Variants in ZFYVE9 observed in about 807,000 individuals in gnomAD.
The protein encoded by ZFYVE9 is zinc finger FYVE-type containing 9.
A neutral mutation model predicts 126.7 loss-of-function variants in ZFYVE9; 43 were observed. The observed-to-expected ratio is 0.34, with a 90% confidence interval of 0.27 to 0.44. The LOEUF (loss-of-function observed/expected upper bound fraction) is 0.44, where lower values mean the gene tolerates loss of function less well. ZFYVE9 is among the 20% of genes least tolerant of loss of function. The pLI, the probability that ZFYVE9 is intolerant of heterozygous loss-of-function variation, is 1.00. For synonymous variants in ZFYVE9, 521 were observed against 597.4 expected, an observed-to-expected ratio of 0.87 and a Z score of 1.87; for missense variants, 1,476 against 1,697.0, an observed-to-expected ratio of 0.87 and a Z score of 2.29.
At chr1:52,246,698 A>AT (rs759969701) in intron 4 of ZFYVE9, among the ~76,000 whole-genome samples, 3,231 of 99,200 alleles carry the variant, frequency 0.033, 69 homozygotes, top group African/African-American at 0.04. Flanking sequence ...CGTGTAACTA[A>AT]TTTTTTTTTT....
At chr1:52,164,476 A>G (rs1188810085) in intron 1 of ZFYVE9, among the ~76,000 whole-genome samples, 1 of 152,064 alleles carries the variant, frequency 6.6e-6, no homozygotes, top group East Asian at 1.9e-4. Context: ...GGACTCCCAA[A>G]GTGTTGGGAT....
rs74430734 is a variant in ZFYVE9, at chr1:52,147,502, A to C, written c.-143+5099A>C. Among the ~76,000 whole-genome samples the C allele has an allele frequency of 4.6e-3, 699 of 152,334 alleles. 6 individuals carry two copies. The highest frequency in any genetic ancestry group is 0.016 in the African/African-American group (671 of 41,584). On this transcript the variant is annotated intron_variant, in intron 1 of 18. Coordinates refer to ENST00000287727, the MANE Select transcript of ZFYVE9 (RefSeq NM_004799.4). Reference sequence around the variant, plus strand: ...TCATGTAAGTGGAATCATACGATATATGACTGGTTTCTCTTACTTAGCATA... The same window carrying C: ...TCATGTAAGTGGAATCATACGATATCTGACTGGTTTCTCTTACTTAGCATA...
At chr1:52,327,862 T>A (rs1300593130) in intron 13 of ZFYVE9, among the ~76,000 whole-genome samples, 1 of 151,014 alleles carries the variant, frequency 6.6e-6, no homozygotes, top group African/African-American at 2.4e-5. Flanking sequence ...CAGTCCCAGC[T>A]ACTTGGGATG....
At chr1:52,182,452 CG>C (rs1344463187) in intron 1 of ZFYVE9, among the ~76,000 whole-genome samples, 4 of 152,094 alleles carry the variant, frequency 2.6e-5, no homozygotes, top group Admixed American at 2.0e-4. Context: ...GACCTTACCC[CG>C]AACCCTGTGC....
intron 10 of ZFYVE9, among the ~76,000 whole-genome samples, chr1:52,290,048 A>T (rs916501203): frequency 2.0e-4 from 31 of 152,340 alleles, no homozygotes; most frequent in African/African-American, 6.5e-4. Flanking sequence ...TATAAACATT[A>T]CACTGTGTCT....
rs1332885730 is a variant in ZFYVE9, at chr1:52,301,659, A to G, written c.3334-2162A>G. 2.0e-5 allele frequency among the ~76,000 whole-genome samples: 3 copies of G among 152,190 alleles called. No homozygotes were observed. In the East Asian group the frequency reaches 5.8e-4, roughly 29 times the overall value. On this transcript the variant is annotated intron_variant, in intron 12 of 18. Coordinates refer to ENST00000287727, the MANE Select transcript of ZFYVE9 (RefSeq NM_004799.4). ...ATTACAAGTTTGAAGCAAATTGATT[A>G]TAATGTGCCATAGTGTAGTTTTCAT... is the stretch of plus-strand genomic sequence containing the variant.
chr1:52,344,653 C>G, intron 17 of ZFYVE9, 115 bp from the exon 18 acceptor site: 1 of 1,122,212 alleles, frequency 8.9e-7, no homozygotes, highest in Non-Finnish European at 1.3e-6. Context: ...GTGTCCTGTT[C>G]CTGTCATGTC....
At chr1:52,284,506 A>G (rs3845309) in intron 10 of ZFYVE9, among the ~76,000 whole-genome samples, 34,564 of 150,858 alleles carry the variant, frequency 0.23, 8,195 homozygotes, top group African/African-American at 0.61. Context: ...TGCAAGCTCC[A>G]CCTCCCAGGT....
At chr1:52,325,017 C>T (rs1307738663) in intron 13 of ZFYVE9, among the ~76,000 whole-genome samples, 4 of 152,184 alleles carry the variant, frequency 2.6e-5, no homozygotes, top group Non-Finnish European at 5.9e-5. Context: ...TGGTGGCTCA[C>T]GCCTGTAATC....
At chr1:52,299,530 G>A (rs959390069) in intron 12 of ZFYVE9, among the ~76,000 whole-genome samples, 4 of 152,224 alleles carry the variant, frequency 2.6e-5, no homozygotes, top group African/African-American at 7.2e-5. Context: ...GATGTTAGCT[G>A]TGGGTTTGTC....
chr1:52,271,122 T>TAGGAAAG (rs1645688048), intron 7 of ZFYVE9, among the ~76,000 whole-genome samples: 1 of 152,174 alleles, frequency 6.6e-6, no homozygotes, highest in Non-Finnish European at 1.5e-5. Flanking sequence ...CTCTTTCTGT[T>TAGGAAAG]AAATTTCTTT....
Position 52,263,759 on chromosome 1 carries a change from C to CCCG in ZFYVE9, c.2179-12_2179-11insGCC, listed in dbSNP as rs1645605423. 1.4e-6 allele frequency: 1 copy of CCCG among 732,812 alleles called. No homozygotes were observed. The highest frequency in any genetic ancestry group is 3.0e-5 in the African/African-American group (1 of 33,600). 45.4% of individuals were successfully genotyped at this position (732,812 alleles called of 1,614,324 possible). ...AGTAAATTTTGTGTGTTCTTCCCCC[C>CCCG]CCCCCCCCCACAGGTTTTCTGTGCT... is the stretch of plus-strand genomic sequence containing the variant. On this transcript the variant is annotated splice_polypyrimidine_tract_variant and intron_variant, in intron 4 of 18. Transcript: ENST00000287727.
At chr1:52,318,366 T>TTGTGTGTGTG (rs1304231453) in intron 13 of ZFYVE9, among the ~76,000 whole-genome samples, 20 of 84,002 alleles carry the variant, frequency 2.4e-4, no homozygotes, top group African/African-American at 5.0e-4. Flanking sequence ...GAGAGCATGA[T>TTGTGTGTGTG]TGTATGTGTG....
At chr1:52,298,329 G>A (rs1645997652) in intron 12 of ZFYVE9, among the ~76,000 whole-genome samples, 1 of 152,118 alleles carries the variant, frequency 6.6e-6, no homozygotes, top group Non-Finnish European at 1.5e-5. Context: ...TTGTATATGG[G>A]GAGAGGTGGG....
At chr1:52,199,133 T>A (rs1486767464) in intron 1 of ZFYVE9, among the ~76,000 whole-genome samples, 2 of 151,760 alleles carry the variant, frequency 1.3e-5, no homozygotes, top group African/African-American at 4.8e-5. Context: ...TGGCGCGATC[T>A]CGACTCACTG....
intron 11 of ZFYVE9, among the ~76,000 whole-genome samples, chr1:52,295,032 C>T (rs1645959329): frequency 6.6e-6 from 1 of 152,100 alleles, no homozygotes; most frequent in Non-Finnish European, 1.5e-5. Flanking sequence ...CATGGTGAAT[C>T]CCATCTCTAC....
chr1:52,203,608 C>T (rs12072605), intron 1 of ZFYVE9, among the ~76,000 whole-genome samples: 6,947 of 150,146 alleles, frequency 0.046, 408 homozygotes, highest in African/African-American at 0.14. Context: ...GGAATTGGTA[C>T]GTGGCATTAA....
intron 13 of ZFYVE9, among the ~76,000 whole-genome samples, chr1:52,313,604 T>C (rs1046355642): frequency 1.3e-5 from 2 of 152,232 alleles, no homozygotes; most frequent in Admixed American, 6.5e-5. Flanking sequence ...GGGCCAGGAA[T>C]AGTTTGTATT....
chr1:52,331,067 C>T lies in ZFYVE9; in HGVS notation c.3439-1701C>T, dbSNP rs1307621302. Among the ~76,000 whole-genome samples, 4 of 151,964 alleles carry T rather than the reference C, an allele frequency of 2.6e-5. No homozygotes were observed. The East Asian group carries it at 7.7e-4, about 29-fold the overall frequency. ...TACTTTTAGTAGAGATGGGGTTTTA[C>T]CATGTTGGCCAGGCTGGTCTCGAAC... On this transcript the variant is annotated intron_variant, in intron 13 of 18. Transcript: ENST00000287727.
Sources: allele counts gnomAD v4.1 joint callset (sites outside exome capture counted in the v4.1 genomes callset), GRCh38; gene constraint gnomAD v4.1.1; transcripts MANE v1.5; gene names NCBI Gene and HGNC (gene_info 2026-07-23, HGNC 2026-07-21).